The following PRDM12 variants were observed in gnomAD, a reference collection of about 807,000 sequenced individuals.
PRDM12 encodes PR domain zinc finger protein 12.
PRDM12 carries 17 observed loss-of-function variants against 29.6 expected under a neutral mutation model. The observed-to-expected ratio is 0.57, with a 90% confidence interval of 0.39 to 0.86. The LOEUF is 0.86. Ranked by LOEUF, PRDM12 falls within the 40% of genes least tolerant of loss-of-function variation. The pLI, the probability that PRDM12 is intolerant of heterozygous loss-of-function variation, is 0.00. For synonymous variants in PRDM12, 231 were observed against 225.8 expected (o/e 1.02, Z -0.21); for missense variants, 422 against 510.8 (o/e 0.83, Z 1.68).
intron 3 of PRDM12, among the ~76,000 whole-genome samples, chr9:130,674,492 T>TTGTGTGTGTG (rs58489448): frequency 0.027 from 3,837 of 142,788 alleles, 81 homozygotes; most frequent in East Asian, 0.07. Context: ...AAAAGATAAT[T>TTGTGTGTGTG]TGTGTGTGTG....
At chr9:130,680,657 A>ATTTTTTTTTTTT (rs1399560598) in intron 4 of PRDM12, among the ~76,000 whole-genome samples, 6 of 87,498 alleles carry the variant, frequency 6.9e-5, no homozygotes, top group African/African-American at 4.2e-4. Context: ...ATATATATAT[A>ATTTTTTTTTTTT]TATTTTTTTT....
chr9:130,678,761 C>T, intron 4 of PRDM12, 121 bp downstream of exon 4: 1 of 767,706 alleles, frequency 1.3e-6, no homozygotes, highest in Non-Finnish European at 2.1e-6. Context: ...GGTTCAATGT[C>T]TGGCAGCATT....
In PRDM12 at chr9:130,666,886, C is replaced by A; in HGVS notation, c.414+88C>A. 17 of 1,476,734 alleles carry A rather than the reference C, an allele frequency of 1.2e-5. No homozygotes were observed. The South Asian group carries it at 2.3e-4, about 20-fold the overall frequency. 91.5% of individuals were successfully genotyped at this position (1,476,734 alleles called of 1,614,324 possible). On this transcript the variant is annotated intron_variant, in intron 2 of 4. Coordinates refer to ENST00000253008, the MANE Select transcript of PRDM12 (RefSeq NM_021619.3). ...CTCGGGCGTCCGGCCGTCGCCGCTT[C>A]CACCCGGGCTGAGAGCGGCGGACAC...
chr9:130,667,979 G>A (rs879023099), intron 2 of PRDM12, among the ~76,000 whole-genome samples, 179 bp from the exon 3 acceptor site: 11 of 152,166 alleles, frequency 7.2e-5, no homozygotes, highest in Admixed American at 4.6e-4. Context: ...ACTTCCAGCC[G>A]GCTAGCTTCA....
chr9:130,676,203 A>C (rs964142960), intron 3 of PRDM12, among the ~76,000 whole-genome samples: 3 of 152,196 alleles, frequency 2.0e-5, no homozygotes, highest in Non-Finnish European at 2.9e-5. Flanking sequence ...TAAAAAACAA[A>C]AAAAAAGCTG....
At chr9:130,680,265 A>C (rs958562742) in intron 4 of PRDM12, among the ~76,000 whole-genome samples, 2 of 151,892 alleles carry the variant, frequency 1.3e-5, no homozygotes, top group African/African-American at 4.8e-5. Context: ...TGAACCCGGG[A>C]GGTCGAGGCT....
intron 2 of PRDM12, among the ~76,000 whole-genome samples, chr9:130,667,037 G>A (rs927722503): frequency 6.6e-6 from 1 of 152,342 alleles, no homozygotes; most frequent in Admixed American, 6.5e-5. Context: ...CCCTGGCAGA[G>A]CAAGACTGTG....
chr9:130,681,550 G>C lies in PRDM12; in HGVS notation c.985G>C (p.Ala329Pro). ...KSARHRPPST[A>P]LQAHSPALPA... ...CGCGCGGCACCGGCCGCCCAGCACCGCGCTGCAGGCACACTCGCCCGCGCT... is the reference window on the plus strand; with the variant it reads ...CGCGCGGCACCGGCCGCCCAGCACCCCGCTGCAGGCACACTCGCCCGCGCT... Residue 329 changes from alanine (A) to proline (P), a missense_variant, in exon 5 of 5, where the codon GCG (alanine) becomes CCG (proline). By Grantham distance (27) the Ala-to-Pro change is conservative. Transcript: ENST00000253008. This position sits in a 1 kb window ranked among gnomAD's most constrained non-coding sequence, Gnocchi z 8.1. 4 of 1,248,186 alleles carry C rather than the reference G, an allele frequency of 3.2e-6. No individual in the cohort carries two copies. Among genetic ancestry groups the C allele is most frequent in the East Asian group, 6.3e-5 (2 of 31,640 alleles). 77.3% of individuals were successfully genotyped at this position (1,248,186 alleles called of 1,614,324 possible).
chr9:130,672,463 A>G (rs1830797589), intron 3 of PRDM12, among the ~76,000 whole-genome samples: 1 of 152,258 alleles, frequency 6.6e-6, no homozygotes, highest in South Asian at 2.1e-4. Flanking sequence ...TGCTGGGATT[A>G]CAGGCGTGAG....
intron 3 of PRDM12, among the ~76,000 whole-genome samples, chr9:130,669,689 G>T (rs2132593364): frequency 6.6e-6 from 1 of 151,062 alleles, no homozygotes; most frequent in African/African-American, 2.4e-5. Flanking sequence ...GGTTGCGGGT[G>T]CCTGTAGTCC....
Position 130,681,574 on chromosome 9 carries a change from C to G in PRDM12, c.1009C>G (p.Leu337Val). 8.4e-7 allele frequency: 1 copy of G among 1,196,142 alleles called. No homozygotes were observed. Among genetic ancestry groups the G allele is most frequent in the Non-Finnish European group, 1.0e-6 (1 of 964,816 alleles). 74.1% of individuals were successfully genotyped at this position (1,196,142 alleles called of 1,614,324 possible). The change falls in exon 5 of 5, where the codon CTG (leucine) becomes GTG (valine). Residue 337 changes from leucine to valine, a missense_variant. By Grantham distance (32) the Leu-to-Val change is conservative. Around this residue, in one of 5 missense-constraint regions of PRDM12, gnomAD observed 66 missense variants for 61.5 expected, o/e 1.07. Transcript: ENST00000253008. This position sits in a 1 kb window ranked among gnomAD's most constrained non-coding sequence, Gnocchi z 8.1. ...STALQAHSPA[L>V]PAPHAHAPAL... The stretch of plus-strand genomic sequence containing the variant: ...CGCGCTGCAGGCACACTCGCCCGCG[C>G]TGCCCGCCCCGCACGCGCACGCGCC...
chr9:130,665,615 C>T (rs1342861878), intron 1 of PRDM12, among the ~76,000 whole-genome samples: 1 of 152,178 alleles, frequency 6.6e-6, no homozygotes, highest in African/African-American at 2.4e-5. Context: ...AACAAGTCCC[C>T]TCCGCATTGA....
At chr9:130,665,912 G>A (rs1830729199) in intron 1 of PRDM12, among the ~76,000 whole-genome samples, 1 of 152,198 alleles carries the variant, frequency 6.6e-6, no homozygotes, top group Admixed American at 6.5e-5. Flanking sequence ...GGAGCTGGGG[G>A]CCGCCGCGGC....
chr9:130,679,525 GT>G (rs1830874999), intron 4 of PRDM12, among the ~76,000 whole-genome samples: 1 of 151,932 alleles, frequency 6.6e-6, no homozygotes, highest in South Asian at 2.1e-4. Flanking sequence ...TAGAGATGGG[GT>G]TTTGTTATGT....
chr9:130,666,521 AC>A, intron 1 of PRDM12, 86 bp from the exon 2 acceptor site: 1 of 1,533,084 alleles, frequency 6.5e-7, no homozygotes, highest in Non-Finnish European at 8.8e-7. Flanking sequence ...TCTGGGCAGG[AC>A]CGAAGCCGGG....
rs1830900657 is a variant in PRDM12 at position 130,681,480 on chromosome 9, G to A, written c.915G>A (p.Gln305=). ...GERPYKCQVC[Q]SAYSQLAGLR... ...GCCCCTACAAGTGCCAGGTGTGCCAGAGCGCCTACTCGCAGCTGGCCGGCC... is the reference window on the plus strand; with the variant it reads ...GCCCCTACAAGTGCCAGGTGTGCCAAAGCGCCTACTCGCAGCTGGCCGGCC... The change falls in exon 5 of 5, where the codon CAG becomes CAA. Residue 305 remains glutamine, a synonymous_variant. Coordinates refer to ENST00000253008, the MANE Select transcript of PRDM12 (RefSeq NM_021619.3). This position sits in a 1 kb window ranked among gnomAD's most constrained non-coding sequence, Gnocchi z 8.1. 2.0e-6 allele frequency: 3 copies of A among 1,537,944 alleles called. No homozygotes were observed. The highest frequency in any genetic ancestry group is 1.7e-6 in the Non-Finnish European group (2 of 1,143,566).
rs1830756121 is a variant in PRDM12, at chr9:130,668,452, T to C, written c.570+139T>C. 5.1e-6 allele frequency: 7 copies of C among 1,371,942 alleles called. No homozygotes were observed. The highest frequency in any genetic ancestry group is 1.4e-5 in the South Asian group (1 of 73,330). 85.0% of individuals were successfully genotyped at this position (1,371,942 alleles called of 1,614,324 possible). On this transcript the variant is annotated intron_variant, in intron 3 of 4. Transcript: ENST00000253008. This position sits in a 1 kb window ranked among gnomAD's most constrained non-coding sequence, Gnocchi z 4.0. ...GGCCTCGCTGGCTCTGCGCAGGCCA[T>C]GGGGCTGTGGCAGACAGGTGGGTCT... is the stretch of plus-strand genomic sequence containing the variant.
intron 4 of PRDM12, among the ~76,000 whole-genome samples, chr9:130,680,132 T>C (rs949414115): frequency 6.6e-6 from 1 of 150,570 alleles, no homozygotes; most frequent in African/African-American, 2.4e-5. Flanking sequence ...AGCCCAGGAG[T>C]TCCAGACCAG....
rs56920587 is a variant in PRDM12 at position 130,671,374 on chromosome 9, G to GACACACAC, written c.570+3098_570+3105dup. Among the ~76,000 whole-genome samples, 570 of 135,708 alleles carry GACACACAC rather than the reference G, an allele frequency of 4.2e-3. 3 individuals carry two copies. The highest frequency in any genetic ancestry group is 5.2e-3 in the African/African-American group (191 of 36,608). The allele number at this position is 135,708 out of a possible 152,430, so 89.0% of individuals were successfully genotyped here. On this transcript the variant is annotated intron_variant, in intron 3 of 4. Transcript: ENST00000253008. ...AACAACAACAAAAAAAGAGGATCAG[G>GACACACAC]ACACACACACACACACACACACACA...
Sources: allele counts gnomAD v4.1 joint callset (sites outside exome capture counted in the v4.1 genomes callset), GRCh38; gene constraint gnomAD v4.1.1; regional missense constraint gnomAD v4.1.1; non-coding constraint Gnocchi (gnomAD v3.1); transcripts MANE v1.5; gene names NCBI Gene and HGNC (gene_info 2026-07-23, HGNC 2026-07-21).